Variants in ARL15 observed in about 807,000 individuals in gnomAD.
ARL15 encodes the protein ADP-ribosylation factor-like protein 15.
A neutral mutation model predicts 25.2 loss-of-function variants in ARL15; 19 were observed. The observed-to-expected ratio is 0.75, with a 90% CI of 0.53 to 1.10. The LOEUF (loss-of-function observed/expected upper bound fraction) is 1.10. Among genes scored for constraint, ARL15 ranks in the 50% least tolerant of loss-of-function variants. ARL15 has a pLI of 0.00. For missense variants in ARL15, 220 were observed against 246.0 expected (o/e 0.89, Z 0.71); for synonymous variants, 94 against 86.8 (o/e 1.08, Z -0.46).
Position 54,042,573 on chromosome 5 carries a change from T to C in ARL15, c.462+70629A>G, listed in dbSNP as rs528372259. Among the ~76,000 whole-genome samples, 100 of 152,344 alleles carry C rather than the reference T, an allele frequency of 6.6e-4. 1 individual carries two copies. Among genetic ancestry groups the C allele is most frequent in the Non-Finnish European group, 5.3e-4 (36 of 68,038 alleles). On this transcript the variant is annotated intron_variant, in intron 4 of 4. Transcript: ENST00000504924. ...TTAATAACTGGACTCTTGGAGCATC[T>C]GATTGACAGGTCTCTACCCCAATCT...
intron 3 of ARL15, among the ~76,000 whole-genome samples, chr5:54,126,296 C>T (rs944889249): frequency 1.3e-5 from 2 of 152,164 alleles, no homozygotes; most frequent in Non-Finnish European, 1.5e-5. Context: ...TCTAGATGTT[C>T]CCCAGGAATT....
chr5:53,928,284 C>A (rs538665780), intron 4 of ARL15, among the ~76,000 whole-genome samples: 9 of 152,292 alleles, frequency 5.9e-5, no homozygotes, highest in African/African-American at 2.2e-4. Flanking sequence ...AGGATTAGCA[C>A]TTGGATTAAT....
chr5:53,905,610 G>A (rs1298201948), intron 4 of ARL15, among the ~76,000 whole-genome samples: 1 of 152,124 alleles, frequency 6.6e-6, no homozygotes, highest in East Asian at 1.9e-4. Flanking sequence ...TCTTTAGAGA[G>A]CAGGTAATCT....
chr5:54,067,676 T>C (rs1293849118), intron 4 of ARL15, among the ~76,000 whole-genome samples: 1 of 152,180 alleles, frequency 6.6e-6, no homozygotes, highest in African/African-American at 2.4e-5. Context: ...AACAATTTAG[T>C]TTTTTCCTCT....
chr5:54,131,485 C>T (rs975727322), intron 3 of ARL15, among the ~76,000 whole-genome samples: 7 of 152,138 alleles, frequency 4.6e-5, no homozygotes, highest in African/African-American at 1.4e-4. Context: ...CCACAAAACC[C>T]TTCCTTTTAC....
At chr5:54,140,461 T>TAGATAGATAGATAGATAG (rs1554043185) in intron 3 of ARL15, among the ~76,000 whole-genome samples, 40 of 123,570 alleles carry the variant, frequency 3.2e-4, no homozygotes, top group East Asian at 7.3e-4. Context: ...GATAGATAGA[T>TAGATAGATAGATAGATAG]AGATAGAGAT....
intron 4 of ARL15, among the ~76,000 whole-genome samples, chr5:53,888,465 G>T (rs962946309): frequency 6.6e-6 from 1 of 151,968 alleles, no homozygotes; most frequent in Non-Finnish European, 1.5e-5. Context: ...AAAATCTTCT[G>T]TAGAGGTGGG....
intron 4 of ARL15, among the ~76,000 whole-genome samples, chr5:53,907,482 A>ATTTTTTTTTTTTTTTTT (rs1561143885): frequency 3.2e-5 from 1 of 31,356 alleles, no homozygotes. Flanking sequence ...ATATATATAT[A>ATTTTTTTTTTTTTTTTT]TATATATTTT....
At chr5:54,297,360 T>C (rs1192366765) in intron 1 of ARL15, among the ~76,000 whole-genome samples, 1 of 152,260 alleles carries the variant, frequency 6.6e-6, no homozygotes, top group Non-Finnish European at 1.5e-5. Flanking sequence ...CTAATGAAGA[T>C]GGCCCAGGCC....
chr5:54,030,447 A>C (rs1051401912), intron 4 of ARL15, among the ~76,000 whole-genome samples: 2 of 152,196 alleles, frequency 1.3e-5, no homozygotes, highest in Non-Finnish European at 2.9e-5. Flanking sequence ...AAGTCTTTTC[A>C]ATTTTATGTC....
chr5:54,019,043 C>T (rs531119894), intron 4 of ARL15, among the ~76,000 whole-genome samples: 2 of 152,140 alleles, frequency 1.3e-5, no homozygotes, highest in Non-Finnish European at 2.9e-5. Flanking sequence ...CAATGAAATG[C>T]ATTGGCATCT....
At chr5:54,159,326 C>T (rs1754333503) in intron 2 of ARL15, among the ~76,000 whole-genome samples, 1 of 152,106 alleles carries the variant, frequency 6.6e-6, no homozygotes, top group Admixed American at 6.5e-5. Flanking sequence ...TACTCTCTTG[C>T]TTCTTCAAAC....
chr5:53,991,563 G>GAAAAAAAAAAAAAAAA (rs771075344), intron 4 of ARL15, among the ~76,000 whole-genome samples: 2 of 127,928 alleles, frequency 1.6e-5, no homozygotes. Flanking sequence ...AAAAAAAAAG[G>GAAAAAAAAAAAAAAAA]GGGGGCGGGG....
At chr5:54,259,495 C>G (rs1757445094) in intron 1 of ARL15, among the ~76,000 whole-genome samples, 1 of 152,108 alleles carries the variant, frequency 6.6e-6, no homozygotes, top group South Asian at 2.1e-4. Context: ...AATACTGAAA[C>G]TAGTTGAAAT....
intron 4 of ARL15, among the ~76,000 whole-genome samples, chr5:53,970,789 A>C (rs1481255512): frequency 2.0e-5 from 3 of 152,246 alleles, no homozygotes; most frequent in Non-Finnish European, 4.4e-5. Flanking sequence ...AGTTTCACAC[A>C]GATGCCAGAC....
At chr5:54,126,294 T>G (rs953499539) in intron 3 of ARL15, among the ~76,000 whole-genome samples, 13 of 152,190 alleles carry the variant, frequency 8.5e-5, no homozygotes, top group Admixed American at 7.2e-4. Flanking sequence ...CTTCTAGATG[T>G]TCCCCAGGAA....
chr5:54,275,910 G>C (rs959269070), intron 1 of ARL15, among the ~76,000 whole-genome samples: 1 of 150,516 alleles, frequency 6.6e-6, no homozygotes, highest in African/African-American at 2.4e-5. Flanking sequence ...AGCCAGGATG[G>C]TCTCGATCTC....
At chr5:54,288,798 C>T (rs781325323) in intron 1 of ARL15, among the ~76,000 whole-genome samples, 6 of 152,154 alleles carry the variant, frequency 3.9e-5, no homozygotes, top group African/African-American at 7.2e-5. Context: ...CCTACCTGGA[C>T]ATATAAGGTT....
chr5:54,173,744 G>T (rs1360654405), intron 1 of ARL15, among the ~76,000 whole-genome samples: 1 of 152,000 alleles, frequency 6.6e-6, no homozygotes, highest in Non-Finnish European at 1.5e-5. Flanking sequence ...GACCATACGT[G>T]CTTAAGCCAC....
Sources: allele counts gnomAD v4.1 joint callset (sites outside exome capture counted in the v4.1 genomes callset), GRCh38; gene constraint gnomAD v4.1.1; transcripts MANE v1.5; gene names NCBI Gene and HGNC (gene_info 2026-07-23, HGNC 2026-07-21).